PARVB: variants seen among roughly 807,000 people sequenced by gnomAD.
The protein encoded by PARVB is beta-parvin.
A neutral mutation model predicts 47.0 loss-of-function variants in PARVB; 46 were observed. The ratio of observed to expected loss-of-function variants is 0.98; its 90% CI spans 0.77 to 1.25. PARVB has a LOEUF of 1.25. PARVB is among the 50% of genes most tolerant of loss of function. The probability of loss-of-function intolerance (pLI) is 0.00; values close to 1 mark genes in which losing one functional copy is unlikely to be tolerated. For missense variants in PARVB, 473 were observed against 471.6 expected (o/e 1.00, Z -0.03); for synonymous variants, 196 against 196.3 (o/e 1.00, Z 0.01).
intron 1 of PARVB, among the ~76,000 whole-genome samples, chr22:44,048,373 G>A (rs1014880526): frequency 6.6e-5 from 10 of 151,770 alleles, no homozygotes; most frequent in Non-Finnish European, 1.3e-4. Context: ...TAATAATTTC[G>A]CTCGAATTTT....
At chr22:44,134,844 A>G (rs1473535306) in intron 6 of PARVB, among the ~76,000 whole-genome samples, 3 of 152,190 alleles carry the variant, frequency 2.0e-5, no homozygotes, top group Admixed American at 6.5e-5. Flanking sequence ...GCTTTTCCCC[A>G]TAAAACCAAG....
At chr22:44,017,442 A>G (rs1306986281) in intron 2 of PARVB, among the ~76,000 whole-genome samples, 1 of 152,200 alleles carries the variant, frequency 6.6e-6, no homozygotes, top group Non-Finnish European at 1.5e-5. Context: ...AATTAGGTCT[A>G]TAAAATGCCA....
chr22:44,023,164 T>C (rs1368688288), upstream of PARVB, among the ~76,000 whole-genome samples: 1 of 152,202 alleles, frequency 6.6e-6, no homozygotes, highest in Non-Finnish European at 1.5e-5. Flanking sequence ...CAGCACCTGC[T>C]GAGCAGCCAT....
intron 1 of PARVB, among the ~76,000 whole-genome samples, chr22:44,072,266 AG>A (rs1301339235): frequency 6.6e-6 from 1 of 152,070 alleles, no homozygotes; most frequent in Non-Finnish European, 1.5e-5. Flanking sequence ...CCTGAAAGAT[AG>A]TTTCTGTGCC....
intron 2 of PARVB, among the ~76,000 whole-genome samples, chr22:44,016,912 G>A (rs567189727): frequency 2.0e-5 from 3 of 152,170 alleles, no homozygotes; most frequent in African/African-American, 2.4e-5. Flanking sequence ...TTTCACTCTT[G>A]TTGCCCAGGC....
chr22:44,148,070 C>T (rs1463094912), intron 9 of PARVB, 148 bp downstream of exon 9: 2 of 700,016 alleles, frequency 2.9e-6, no homozygotes, highest in East Asian at 5.5e-5. Context: ...CAGTCAAAAA[C>T]CTAACCACAG....
intron 10 of PARVB, 35 bp from the exon 11 acceptor site, chr22:44,157,946 AC>A (rs1569161316): frequency 6.6e-7 from 1 of 1,504,468 alleles, no homozygotes; most frequent in Non-Finnish European, 9.3e-7. Flanking sequence ...CCAACTCCTT[AC>A]CCTGCCCGGA....
chr22:44,000,609 G>A (rs1489084025), intron 2 of PARVB, among the ~76,000 whole-genome samples: 1 of 152,224 alleles, frequency 6.6e-6, no homozygotes, highest in Non-Finnish European at 1.5e-5. Flanking sequence ...ATTTGAAGTT[G>A]TTCGATTGAC....
At chr22:44,062,139 A>G (rs1296948332) in intron 1 of PARVB, among the ~76,000 whole-genome samples, 1 of 152,184 alleles carries the variant, frequency 6.6e-6, no homozygotes, top group East Asian at 1.9e-4. Context: ...TTCTGACACC[A>G]GAGGTGCAGG....
At position 44,068,477 on chromosome 22, in the gene PARVB, G is replaced by C. The variant is rs2051582741; in HGVS notation, c.113-25451G>C. On this transcript the variant is annotated intron_variant, in intron 1 of 12. Coordinates refer to ENST00000338758, the MANE Select transcript of PARVB (RefSeq NM_013327.5). The surrounding 1 kb of genome is among the most constrained non-coding windows in gnomAD (Gnocchi z 4.1). ...CCCCTCATTCAAGGACCTTCCTTTG[G>C]GGAAGTGAGTGCTCCCGAGAGCAGC... 6.6e-6 allele frequency among the ~76,000 whole-genome samples: 1 copy of C among 152,212 alleles called. No homozygotes were observed. Among genetic ancestry groups the C allele is most frequent in the Non-Finnish European group, 1.5e-5 (1 of 68,046 alleles).
chr22:44,044,453 G>C (rs2051078892), intron 1 of PARVB, among the ~76,000 whole-genome samples: 1 of 151,964 alleles, frequency 6.6e-6, no homozygotes, highest in African/African-American at 2.4e-5. Flanking sequence ...GCCTCCCAAA[G>C]TGCTGGGATT....
At chr22:44,075,731 A>C (rs1207674944) in intron 1 of PARVB, among the ~76,000 whole-genome samples, 7 of 152,180 alleles carry the variant, frequency 4.6e-5, no homozygotes, top group Non-Finnish European at 8.8e-5. Context: ...ACTCAGTGAG[A>C]TGCATTTAAG....
intron 1 of PARVB, among the ~76,000 whole-genome samples, chr22:44,064,878 T>A (rs1318119596): frequency 6.6e-6 from 1 of 152,174 alleles, no homozygotes; most frequent in East Asian, 1.9e-4. Context: ...AGCAGAACAT[T>A]AATCCGGATA....
chr22:44,109,058 C>G (rs2052630852), intron 3 of PARVB: 1 of 148,774 alleles, frequency 6.7e-6, no homozygotes, highest in East Asian at 2.0e-4. Flanking sequence ...TGGACAAGAC[C>G]CTTCCTGTCT....
upstream of PARVB, among the ~76,000 whole-genome samples, chr22:44,019,479 C>T (rs542142542): frequency 6.6e-6 from 1 of 152,348 alleles, no homozygotes; most frequent in African/African-American, 2.4e-5. Context: ...CTCGGCCTCT[C>T]AAAGTGCTGG....
intron 3 of PARVB, chr22:44,116,222 A>G (rs1284361461): frequency 6.6e-6 from 1 of 152,186 alleles, no homozygotes; most frequent in Non-Finnish European, 1.5e-5. Flanking sequence ...GGTTTGTCTG[A>G]TGCTTTCTTC....
At chr22:44,122,164 G>A (rs1329876737) in intron 4 of PARVB, among the ~76,000 whole-genome samples, 1 of 151,986 alleles carries the variant, frequency 6.6e-6, no homozygotes, top group Non-Finnish European at 1.5e-5. Flanking sequence ...GCATTTACAT[G>A]CTTCAAAAGT....
rs2054227082 is a variant in PARVB at position 44,168,621 on chromosome 22, C to G, written c.1038C>G (p.Leu346=). The change falls in exon 13 of 13, where the codon CTC becomes CTG. Residue 346 remains leucine (L), a synonymous_variant. Transcript: ENST00000338758. The stretch of plus-strand genomic sequence containing the variant: ...CTGCAGACGTGGTTAACTTGGACCT[C>G]AAATCCACCCTGAGGGTTCTTTACA... The part of the protein sequence containing the change: ...ARPEDVVNLD[L]KSTLRVLYNL... The G allele has an allele frequency of 6.2e-7, 1 of 1,613,070 alleles. No homozygotes were observed. Among genetic ancestry groups the G allele is most frequent in the Non-Finnish European group, 8.5e-7 (1 of 1,179,086 alleles).
chr22:44,163,814 C>T (rs757724409), intron 11 of PARVB, 44 bp from the exon 12 acceptor site: 34 of 1,510,106 alleles, frequency 2.3e-5, no homozygotes, highest in African/African-American at 1.2e-4. Flanking sequence ...TGTGTGGGAA[C>T]GACTGTTGGA....
Sources: allele counts gnomAD v4.1 joint callset (sites outside exome capture counted in the v4.1 genomes callset), GRCh38; gene constraint gnomAD v4.1.1; non-coding constraint Gnocchi (gnomAD v3.1); transcripts MANE v1.5; gene names NCBI Gene and HGNC (gene_info 2026-07-23, HGNC 2026-07-21).